The following CNDP1 variants were observed in gnomAD, a reference collection of about 807,000 sequenced individuals.
CNDP1 encodes the protein beta-Ala-His dipeptidase.
Under a neutral mutation model 58.1 loss-of-function variants are expected in CNDP1, and 44 were observed. The ratio of observed to expected loss-of-function variants is 0.76; its 90% CI spans 0.60 to 0.97. CNDP1 has a LOEUF of 0.97. Ranked by LOEUF, CNDP1 falls within the 50% of genes least tolerant of loss-of-function variation. The pLI is 0.00. For missense variants in CNDP1, 616 were observed against 655.1 expected (o/e 0.94, Z 0.65); for synonymous variants, 254 against 252.6 (o/e 1.01, Z -0.05).
rs1017520156 is a variant in CNDP1, at chr18:74,550,918, T to C, written c.25-5420T>C. On this transcript the variant is annotated intron_variant, in intron 1 of 11. Transcript: ENST00000358821. ...CCCAGCCCATTATTGTATTTTGCAATGTGAGAAAGACATGAGATTTGAGGG... is the reference window on the plus strand; with the variant it reads ...CCCAGCCCATTATTGTATTTTGCAACGTGAGAAAGACATGAGATTTGAGGG... 2.0e-5 allele frequency among the ~76,000 whole-genome samples: 3 copies of C among 151,984 alleles called. No individual in the cohort carries two copies. In the East Asian group the frequency reaches 5.8e-4, roughly 29 times the overall value.
At chr18:74,575,901 G>A (rs1210024788) in intron 7 of CNDP1, among the ~76,000 whole-genome samples, 6 of 127,726 alleles carry the variant, frequency 4.7e-5, no homozygotes, top group Admixed American at 1.0e-4. Flanking sequence ...ACGGAGTCTC[G>A]CTTTGTCGCC....
rs1178987022 is a variant in CNDP1, at chr18:74,560,858, G to A, written c.306G>A (p.Leu102=). 1.2e-6 allele frequency: 2 copies of A among 1,612,010 alleles called. No homozygotes were observed. The highest frequency in any genetic ancestry group is 2.2e-5 in the South Asian group (2 of 91,056). Residue 102 remains leucine (L), a splice_region_variant and synonymous_variant, in exon 4 of 12, where the codon CTG becomes CTA. Transcript: ENST00000358821. ...TGTGATTCCTGATCATTCTGCAGCT[G>A]CCCGATGGTCAGAGTCTTCCAATAC... ...VASVDMGPQQ[L]PDGQSLPIPP...
chr18:74,564,942 A>C (rs1335699735), intron 5 of CNDP1, among the ~76,000 whole-genome samples: 1 of 152,252 alleles, frequency 6.6e-6, no homozygotes, highest in East Asian at 1.9e-4. Context: ...GTCCGTTTTC[A>C]TGCTGCTGAT....
Position 74,560,923 on chromosome 18 carries a change from A to G in CNDP1, c.371A>G (p.Lys124Arg), listed in dbSNP as rs887098270. ...GCCGAACTGGGGAGCGATCCCACGA[A>G]AGGCACCGTGTGCTTCTACGGCCAC... is the stretch of plus-strand genomic sequence containing the variant. ...ILAELGSDPT[K>R]GTVCFYGHLD... Residue 124 changes from lysine (K) to arginine (R), a missense_variant, in exon 4 of 12, where the codon AAA becomes AGA. Transcript: ENST00000358821. 7.4e-6 allele frequency: 12 copies of G among 1,614,102 alleles called. No individual in the cohort carries two copies. The highest frequency in any genetic ancestry group is 1.7e-5 in the Admixed American group (1 of 60,020).
At chr18:74,549,782 A>G (rs1402309392) in intron 1 of CNDP1, among the ~76,000 whole-genome samples, 2 of 152,188 alleles carry the variant, frequency 1.3e-5, no homozygotes, top group Non-Finnish European at 2.9e-5. Flanking sequence ...GGAGGACTAA[A>G]TGGTTCCATG....
chr18:74,571,152 G>A (rs1475933616), intron 6 of CNDP1, 34 bp from the exon 7 acceptor site: 1 of 1,408,694 alleles, frequency 7.1e-7, no homozygotes, highest in Non-Finnish European at 1.0e-6. Context: ...ACCAAGGCAG[G>A]AAGTATATCT....
chr18:74,553,206 C>T (rs986213308), intron 1 of CNDP1, among the ~76,000 whole-genome samples: 2 of 152,116 alleles, frequency 1.3e-5, no homozygotes, highest in Non-Finnish European at 2.9e-5. Flanking sequence ...TTTGCAATCC[C>T]TCCCCCCACA....
chr18:74,547,260 T>C (rs1980784343), intron 1 of CNDP1, among the ~76,000 whole-genome samples: 1 of 152,240 alleles, frequency 6.6e-6, no homozygotes, highest in South Asian at 2.1e-4. Context: ...TATAAAACAA[T>C]CCCACAAGGA....
chr18:74,572,147 G>A (rs1981494872), intron 7 of CNDP1, among the ~76,000 whole-genome samples: 1 of 152,024 alleles, frequency 6.6e-6, no homozygotes, highest in African/African-American at 2.4e-5. Context: ...CGACGCCGAC[G>A]AGTTCCCCGA....
intron 3 of CNDP1, among the ~76,000 whole-genome samples, chr18:74,559,916 A>G (rs1981142576): frequency 6.6e-6 from 1 of 151,256 alleles, no homozygotes; most frequent in Admixed American, 6.6e-5. Flanking sequence ...AAATCTAAGC[A>G]CCCGCTGCGC....
At chr18:74,578,687 C>A (rs561654054) in intron 9 of CNDP1, among the ~76,000 whole-genome samples, 36 of 152,180 alleles carry the variant, frequency 2.4e-4, no homozygotes, top group Admixed American at 2.1e-3. Flanking sequence ...TTACAGCAGT[C>A]AGATAAATAA....
chr18:74,573,976 T>G (rs1981564954), intron 7 of CNDP1, among the ~76,000 whole-genome samples: 3 of 152,234 alleles, frequency 2.0e-5, no homozygotes, highest in Admixed American at 6.5e-5. Context: ...CATAAGGACA[T>G]AGTGTTGAGC....
intron 6 of CNDP1, among the ~76,000 whole-genome samples, chr18:74,569,018 A>T (rs1981401272): frequency 6.6e-6 from 1 of 152,106 alleles, no homozygotes; most frequent in Non-Finnish European, 1.5e-5. Context: ...AAACAAAGGC[A>T]GGAGGGCAAT....
chr18:74,568,999 C>T (rs1249854894), intron 6 of CNDP1, among the ~76,000 whole-genome samples: 2 of 151,914 alleles, frequency 1.3e-5, no homozygotes, highest in Admixed American at 1.3e-4. Context: ...TCAGGTTGAA[C>T]AGGGGAAAAA....
chr18:74,560,708 A>G (rs34117300), intron 3 of CNDP1, 148 bp from the exon 4 acceptor site: 1 of 771,742 alleles, frequency 1.3e-6, no homozygotes, highest in African/African-American at 1.7e-5. Context: ...AAAGAAAAAA[A>G]AAGTGTTTCA....
At chr18:74,547,598 T>C (rs545601379) in intron 1 of CNDP1, among the ~76,000 whole-genome samples, 3 of 152,334 alleles carry the variant, frequency 2.0e-5, no homozygotes, top group Non-Finnish European at 2.9e-5. Flanking sequence ...CCCAGGCCAC[T>C]GTCAAGACCT....
intron 7 of CNDP1, among the ~76,000 whole-genome samples, chr18:74,572,858 G>A (rs1599099744): frequency 5.3e-5 from 6 of 112,762 alleles, no homozygotes; most frequent in African/African-American, 2.0e-4. Flanking sequence ...AAAAAAAAAT[G>A]TTTAATAATG....
rs1262194632 is a variant in CNDP1, at chr18:74,584,979, C to T, written c.*417C>T. The T allele has an allele frequency of 6.2e-6, 1 of 161,412 alleles. No homozygotes were observed. Among genetic ancestry groups the T allele is most frequent in the Non-Finnish European group, 1.4e-5 (1 of 73,414 alleles). The allele number at this position is 161,412 out of a possible 1,614,324, so 10.0% of individuals were successfully genotyped here. A position where few individuals can be genotyped will look rare whatever the true frequency, so the allele number is the denominator to read the frequency against. ...GATCGCCTTTGCTTTACCACTCTTT[C>T]CTTTTATCTTATTAATAAAAATGTT... On this transcript the variant is annotated 3_prime_UTR_variant, in exon 12 of 12. Coordinates refer to ENST00000358821, the MANE Select transcript of CNDP1 (RefSeq NM_032649.6).
intron 2 of CNDP1, among the ~76,000 whole-genome samples, chr18:74,558,351 C>T (rs1426886764): frequency 6.6e-6 from 1 of 151,752 alleles, no homozygotes; most frequent in Admixed American, 6.6e-5. Flanking sequence ...CTCAGTGGTC[C>T]TCACCATCAC....
Sources: allele counts gnomAD v4.1 joint callset (sites outside exome capture counted in the v4.1 genomes callset), GRCh38; gene constraint gnomAD v4.1.1; transcripts MANE v1.5; gene names NCBI Gene and HGNC (gene_info 2026-07-23, HGNC 2026-07-21).